ARHGEF17: variants seen among roughly 807,000 people sequenced by gnomAD.
ARHGEF17 encodes the protein 164 kDa Rho-specific guanine-nucleotide exchange factor.
A neutral mutation model predicts 174.0 loss-of-function variants in ARHGEF17; 80 were observed. The ratio of observed to expected loss-of-function variants is 0.46; its 90% CI spans 0.38 to 0.55. ARHGEF17 has a LOEUF of 0.55. Among genes scored for constraint, ARHGEF17 ranks in the 20% least tolerant of loss-of-function variants. The probability of loss-of-function intolerance (pLI) is 0.00; values close to 1 mark genes in which losing one functional copy is unlikely to be tolerated. For synonymous variants in ARHGEF17, 1,311 were observed against 1,189.1 expected, an observed-to-expected ratio of 1.10 and a Z score of -2.11; for missense variants, 2,886 against 2,839.7, an observed-to-expected ratio of 1.02 and a Z score of -0.37.
chr11:73,309,847 C>T lies in ARHGEF17; in HGVS notation c.1209C>T (p.Asp403=), dbSNP rs773594375. Residue 403 remains aspartate (D), a synonymous_variant, in exon 1 of 21, where the codon GAC becomes GAT. Coordinates refer to ENST00000263674, the MANE Select transcript of ARHGEF17 (RefSeq NM_014786.4). ...YSSTETLKDD[D]LWSSRGSGGW... ...GCACGGAGACCCTCAAGGACGACGACCTATGGTCTAGTAGGGGTTCTGGGG... is the reference window on the plus strand; with the variant it reads ...GCACGGAGACCCTCAAGGACGACGATCTATGGTCTAGTAGGGGTTCTGGGG... 3.0e-5 allele frequency: 48 copies of T among 1,613,102 alleles called. No homozygotes were observed. The highest frequency in any genetic ancestry group is 1.0e-4 in the Admixed American group (6 of 60,012).
chr11:73,330,217 C>G (rs1342302944), intron 1 of ARHGEF17, among the ~76,000 whole-genome samples: 1 of 152,078 alleles, frequency 6.6e-6, no homozygotes, highest in African/African-American at 2.4e-5. Context: ...TGATTTGTCA[C>G]TTGACTTTTG....
chr11:73,354,117 T>C (rs1468156385), intron 3 of ARHGEF17, among the ~76,000 whole-genome samples: 1 of 152,230 alleles, frequency 6.6e-6, no homozygotes. Context: ...GGTGGGGCCT[T>C]GAACCATCTT....
chr11:73,320,706 C>T (rs1865004845), intron 1 of ARHGEF17, among the ~76,000 whole-genome samples: 1 of 147,514 alleles, frequency 6.8e-6, no homozygotes, highest in African/African-American at 2.5e-5. Context: ...CTCAACCAGG[C>T]TAGGGTGCAG....
Position 73,361,075 on chromosome 11 carries a change from A to G in ARHGEF17, c.4421-13A>G, listed in dbSNP as rs1217505208. The G allele has an allele frequency of 1.2e-6, 2 of 1,612,144 alleles. No homozygotes were observed. The highest frequency in any genetic ancestry group is 3.3e-5 in the Admixed American group (2 of 59,928). ...CTAAGCAGGGTCCGTCTGTCTGTCC[A>G]TCTCCACTACAGCATCCAGCAAAAG... On this transcript the variant is annotated splice_polypyrimidine_tract_variant and intron_variant, in intron 11 of 20. Transcript: ENST00000263674.
At chr11:73,328,307 G>T (rs971797238) in intron 1 of ARHGEF17, among the ~76,000 whole-genome samples, 1 of 152,178 alleles carries the variant, frequency 6.6e-6, no homozygotes, top group African/African-American at 2.4e-5. Context: ...CAGGCTGGGG[G>T]CTCTGCCGGA....
Position 73,363,424 on chromosome 11 carries a change from A to G in ARHGEF17, c.5215A>G (p.Ser1739Gly), listed in dbSNP as rs1056867099. The G allele has an allele frequency of 1.2e-6, 2 of 1,613,160 alleles. No homozygotes were observed. The highest frequency in any genetic ancestry group is 1.7e-6 in the Non-Finnish European group (2 of 1,179,866). The change falls in exon 15 of 21, where the codon AGC (serine) becomes GGC (glycine). Residue 1739 changes from serine (S) to glycine (G), a missense_variant. Ser to Gly is a moderately conservative substitution (Grantham distance 56). This residue lies in a region of ARHGEF17 where 329 missense variants were observed against 435.2 expected (regional missense o/e 0.76). Coordinates refer to ENST00000263674, the MANE Select transcript of ARHGEF17 (RefSeq NM_014786.4). ...LLSVDPEAYQSSVWLGTEDGC... is the reference protein window; with the variant it reads ...LLSVDPEAYQGSVWLGTEDGC... ...GAGTGTCGACCCTGAGGCCTACCAG[A>G]GCTCCGTGTGGCTGGGCACTGAGGA...
chr11:73,310,972 C>T lies in ARHGEF17; in HGVS notation c.2334C>T (p.Gly778=). The T allele has an allele frequency of 1.2e-6, 2 of 1,614,170 alleles. No individual in the cohort carries two copies. The highest frequency in any genetic ancestry group is 2.2e-5 in the South Asian group (2 of 91,086). ...GLPATSAMDE[G]LTSGHSDWSV... ...CTGCCACCTCAGCCATGGATGAGGG[C>T]TTGACCAGTGGTCACAGTGACTGGT... The change falls in exon 1 of 21, where the codon GGC becomes GGT. Residue 778 remains glycine, a synonymous_variant. Transcript: ENST00000263674.
At chr11:73,360,229 C>A in intron 10 of ARHGEF17, 91 bp from the exon 11 acceptor site, 1 of 1,432,928 alleles carries the variant, frequency 7.0e-7, no homozygotes, top group Non-Finnish European at 9.7e-7. Context: ...CACTTGCTGT[C>A]TAAGGAGAGA....
rs777259994 is a variant in ARHGEF17, at chr11:73,362,474, C to T, written c.4736C>T (p.Pro1579Leu). 2 of 1,591,638 alleles carry T rather than the reference C, an allele frequency of 1.3e-6. No individual in the cohort carries two copies. Among genetic ancestry groups the T allele is most frequent in the Non-Finnish European group, 1.7e-6 (2 of 1,172,590 alleles). The change falls in exon 14 of 21, where the codon CCG becomes CTG. Residue 1579 changes from proline to leucine, a missense_variant. By Grantham distance (98) the Pro-to-Leu change is moderately conservative. This residue lies in a region of ARHGEF17 where 476 missense variants were observed against 473.1 expected (regional missense o/e 1.01). Coordinates refer to ENST00000263674, the MANE Select transcript of ARHGEF17 (RefSeq NM_014786.4). ...CTGAGGAGTCCTCCAGAGACGGCAC[C>T]GGAGCCCGCCGGGCCGGAGCTGGAC... ...PSLRSPPETA[P>L]EPAGPELDVE...
In ARHGEF17 at chr11:73,309,792, C is replaced by A; in HGVS notation, c.1154C>A (p.Ala385Glu). 1 of 1,613,042 alleles carries A rather than the reference C, an allele frequency of 6.2e-7. No individual in the cohort carries two copies. The highest frequency in any genetic ancestry group is 8.5e-7 in the Non-Finnish European group (1 of 1,179,988). ...VSFPSYLASP[A>E]GSRGSSRYSS... ...TTTCCCTCGTACCTGGCCAGCCCCG[C>A]AGGCTCCCGCGGTAGCAGCCGTTAT... Residue 385 changes from alanine (A) to glutamate (E), a missense_variant, in exon 1 of 21, where the codon GCA becomes GAA. Coordinates refer to ENST00000263674, the MANE Select transcript of ARHGEF17 (RefSeq NM_014786.4).
Position 73,363,212 on chromosome 11 carries a change from A to G in ARHGEF17, c.5003A>G (p.Glu1668Gly). Residue 1668 changes from glutamate (E) to glycine (G), a missense_variant, in exon 15 of 21, where the codon GAG becomes GGG. Physicochemically the swap from Glu to Gly is moderately conservative, Grantham distance 98. Around this residue, in one of 4 missense-constraint regions of ARHGEF17, gnomAD observed 476 missense variants for 473.1 expected, o/e 1.01. Coordinates refer to ENST00000263674, the MANE Select transcript of ARHGEF17 (RefSeq NM_014786.4). ...STISSSFGNE[E>G]TPSSKEATAE... The stretch of plus-strand genomic sequence containing the variant: ...AGACCTTTGTCTCCCTCAGATGAGG[A>G]GACCCCGAGTTCCAAGGAGGCCACG... 1 of 1,561,926 alleles carries G rather than the reference A, an allele frequency of 6.4e-7. No individual in the cohort carries two copies. Among genetic ancestry groups the G allele is most frequent in the Non-Finnish European group, 8.7e-7 (1 of 1,152,010 alleles).
At position 73,311,411 on chromosome 11, in the gene ARHGEF17, C is replaced by T. The variant is rs369906561; in HGVS notation, c.2773C>T (p.Arg925Cys). 7 of 1,613,328 alleles carry T rather than the reference C, an allele frequency of 4.3e-6. No individual in the cohort carries two copies. The highest frequency in any genetic ancestry group is 2.2e-5 in the South Asian group (2 of 91,088). The stretch of plus-strand genomic sequence containing the variant: ...GCTAATCCGCCGAGGCTCCAAGAAG[C>T]GCCCAGCTCGGAGTAGTCACCAGGA... ...PRLIRRGSKK[R>C]PARSSHQELR... The change falls in exon 1 of 21, where the codon CGC becomes TGC. Residue 925 changes from arginine (R) to cysteine (C), a missense_variant. By Grantham distance (180) the Arg-to-Cys change is radical. Transcript: ENST00000263674.
At chr11:73,321,493 G>T (rs725104) in intron 1 of ARHGEF17, among the ~76,000 whole-genome samples, 2 of 152,314 alleles carry the variant, frequency 1.3e-5, no homozygotes, top group East Asian at 1.9e-4. Context: ...CCCCTTGCCG[G>T]GTGATATTAA....
chr11:73,349,302 A>G (rs1865514727), intron 2 of ARHGEF17, among the ~76,000 whole-genome samples: 1 of 152,254 alleles, frequency 6.6e-6, no homozygotes. Context: ...TAGCTAATCT[A>G]CCTATCTCCC....
rs768355534 is a variant in ARHGEF17 at position 73,310,341 on chromosome 11, C to T, written c.1703C>T (p.Ser568Phe). 6.8e-6 allele frequency: 11 copies of T among 1,613,704 alleles called. No homozygotes were observed. The East Asian group carries it at 1.8e-4, about 26-fold the overall frequency. Residue 568 changes from serine (S) to phenylalanine (F), a missense_variant, in exon 1 of 21, where the codon TCC becomes TTC. Coordinates refer to ENST00000263674, the MANE Select transcript of ARHGEF17 (RefSeq NM_014786.4). ...LPRTSALKSS[S>F]SELLLTGPGA... is the part of the protein sequence containing the mutation. ...CGCACCAGTGCTCTGAAGTCCAGCT[C>T]CTCCGAGCTCCTGCTCACAGGCCCT...
chr11:73,325,632 G>C (rs1865089758), intron 1 of ARHGEF17, among the ~76,000 whole-genome samples: 1 of 152,244 alleles, frequency 6.6e-6, no homozygotes, highest in Non-Finnish European at 1.5e-5. Context: ...CAGATATCAG[G>C]AGTGAGGACC....
chr11:73,366,494 T>C (rs1432594423), intron 20 of ARHGEF17, among the ~76,000 whole-genome samples: 2 of 152,110 alleles, frequency 1.3e-5, no homozygotes, highest in African/African-American at 4.8e-5. Flanking sequence ...TTTGGGAGGA[T>C]GAGGTGGGAG....
chr11:73,324,721 T>C (rs1321548889), intron 1 of ARHGEF17, among the ~76,000 whole-genome samples: 1 of 152,206 alleles, frequency 6.6e-6, no homozygotes, highest in East Asian at 1.9e-4. Context: ...TTGGGGGCAG[T>C]GCCATCATCA....
intron 1 of ARHGEF17, among the ~76,000 whole-genome samples, chr11:73,329,595 T>C (rs1030858815): frequency 6.6e-6 from 1 of 151,392 alleles, no homozygotes; most frequent in Non-Finnish European, 1.5e-5. Context: ...AGATGGGAGT[T>C]CACCATGTTG....
Sources: gnomAD v4.1 joint callset for allele counts (sites outside exome capture counted in the v4.1 genomes callset) on GRCh38, gnomAD v4.1.1 for gene constraint, gnomAD v4.1.1 regional missense constraint, MANE v1.5 for transcripts, NCBI Gene and HGNC (gene_info 2026-07-23, HGNC 2026-07-21) for gene names.